MRPL15: variants seen among roughly 807,000 people sequenced by gnomAD.
MRPL15 encodes the protein large ribosomal subunit protein uL15m.
MRPL15 carries 24 observed loss-of-function variants against 28.0 expected under a neutral mutation model. That is an observed-to-expected ratio of 0.86 (90% CI 0.62 to 1.21). MRPL15 has a LOEUF of 1.21. Ranked by LOEUF, MRPL15 falls within the 50% of genes most tolerant of loss-of-function variation. The pLI is 0.00. For missense variants in MRPL15, 343 were observed against 372.4 expected, an observed-to-expected ratio of 0.92 and a Z score of 0.65; for synonymous variants, 124 against 137.0, an observed-to-expected ratio of 0.90 and a Z score of 0.66.
At chr8:54,140,100 G>A (rs1307099016) in intron 3 of MRPL15, among the ~76,000 whole-genome samples, 1 of 152,126 alleles carries the variant, frequency 6.6e-6, no homozygotes, top group East Asian at 1.9e-4. Flanking sequence ...CTTTCTTTCA[G>A]CTTCATGAAA....
chr8:54,145,316 G>C (rs1811024091), intron 4 of MRPL15, among the ~76,000 whole-genome samples: 1 of 152,092 alleles, frequency 6.6e-6, no homozygotes, highest in Non-Finnish European at 1.5e-5. Context: ...CTGGGCTCAA[G>C]TGATCCTCCC....
chr8:54,147,715 C>A lies in MRPL15; in HGVS notation c.887C>A (p.Ser296Ter), dbSNP rs201769943. Residue 296 changes from serine (S) to a stop codon, truncating the protein, a stop_gained, in exon 5 of 5, where the codon TCA becomes TAA. Coordinates refer to ENST00000260102, the MANE Select transcript of MRPL15 (RefSeq NM_014175.4). LOFTEE classifies it high-confidence loss of function. ...GAAAATCTCCTTAAGTATTATACCTCATGAATTCCCGTCCAAGGAAGCAGA... is the reference window on the plus strand; with the variant it reads ...GAAAATCTCCTTAAGTATTATACCTAATGAATTCCCGTCCAAGGAAGCAGA... ...TDENLLKYYT[S>*] is the part of the protein sequence containing the mutation. 4 of 1,601,134 alleles carry A rather than the reference C, an allele frequency of 2.5e-6. No individual in the cohort carries two copies. The Admixed American group carries it at 5.1e-5, about 21-fold the overall frequency.
Position 54,147,406 on chromosome 8 carries a change from TC to T in MRPL15, c.579del (p.Leu195PhefsTer81). On this transcript the variant is annotated frameshift_variant, in exon 5 of 5. Coordinates refer to ENST00000260102, the MANE Select transcript of MRPL15 (RefSeq NM_014175.4). LOFTEE classifies it high-confidence loss of function. ...GACATTGTATGCAAACCTGTTCCAT[TC>T]TTTCTTCGTGGACAACCCATTCCAA... Reference protein sequence around the residue: ...SLDIVCKPVPFFLRGQPIPKR... With the variant: ...SLDIVCKPVPXFLRGQPIPKR... 2.5e-6 allele frequency: 4 copies of T among 1,612,260 alleles called. No individual in the cohort carries two copies. Among genetic ancestry groups the T allele is most frequent in the Non-Finnish European group, 3.4e-6 (4 of 1,178,936 alleles).
At chr8:54,137,837 C>A (rs989716064) in intron 3 of MRPL15, among the ~76,000 whole-genome samples, 1 of 152,070 alleles carries the variant, frequency 6.6e-6, no homozygotes, top group African/African-American at 2.4e-5. Context: ...GTGTTTATAA[C>A]TGTTATGTAG....
chr8:54,135,296 T>C lies in MRPL15; in HGVS notation c.13T>C (p.Leu5=). The change falls in exon 1 of 5, where the codon TTG becomes CTG. Residue 5 remains leucine (L), a synonymous_variant. Transcript: ENST00000260102. ...GGATCTGCGGGTTATGGCCGGTCCC[T>C]TGCAGGGCGGTGGGGCCCGGGCCCT... MAGP[L]QGGGARALDL... is the part of the protein sequence containing the mutation. The C allele has an allele frequency of 7.2e-7, 1 of 1,398,108 alleles. No individual in the cohort carries two copies. The highest frequency in any genetic ancestry group is 1.5e-5 in the African/African-American group (1 of 66,408). 86.6% of individuals were successfully genotyped at this position (1,398,108 alleles called of 1,614,324 possible).
rs1563714913 is a variant in MRPL15, at chr8:54,136,570, A to G, written c.168A>G (p.Glu56=). Residue 56 remains glutamate, a synonymous_variant, in exon 2 of 5, where the codon GAA becomes GAG. Transcript: ENST00000260102. ...GRKCGRGHKG[E]RQRGTRPRLG... ...AATGTGGCAGAGGCCATAAAGGAGA[A>G]AGGCAAAGAGGAACCCGGCCCCGCT... The G allele has an allele frequency of 3.7e-6, 6 of 1,614,226 alleles. No homozygotes were observed. In the East Asian group the frequency reaches 1.3e-4, roughly 36 times the overall value.
chr8:54,140,145 C>CT (rs1810894065), intron 3 of MRPL15, among the ~76,000 whole-genome samples: 1 of 152,186 alleles, frequency 6.6e-6, no homozygotes, highest in African/African-American at 2.4e-5. Context: ...ATGCTGCCAT[C>CT]TTTTTGCTTT....
chr8:54,136,763 A>G (rs1284506437), intron 2 of MRPL15, 98 bp downstream of exon 2: 19 of 1,422,530 alleles, frequency 1.3e-5, no homozygotes, highest in Non-Finnish European at 1.4e-5. Flanking sequence ...TTGTAAATTC[A>G]CTTTGAAGCA....
At position 54,137,318 on chromosome 8, in the gene MRPL15, T is replaced by C. The variant is rs1412143752; in HGVS notation, c.314T>C (p.Ile105Thr). 4 of 1,613,984 alleles carry C rather than the reference T, an allele frequency of 2.5e-6. No individual in the cohort carries two copies. Among genetic ancestry groups the C allele is most frequent in the Non-Finnish European group, 3.4e-6 (4 of 1,180,014 alleles). ...AGTCTCAATAGACTGCAGTATCTTA[T>C]TGATTTGGGTCGTGTTGATCCTAGT... ...PLSLNRLQYL[I>T]DLGRVDPSQP... Residue 105 changes from isoleucine (I) to threonine (T), a missense_variant, in exon 3 of 5, where the codon ATT becomes ACT. Ile to Thr is a moderately conservative substitution (Grantham distance 89). Coordinates refer to ENST00000260102, the MANE Select transcript of MRPL15 (RefSeq NM_014175.4).
intron 3 of MRPL15, among the ~76,000 whole-genome samples, chr8:54,138,410 C>T (rs1319845399): frequency 6.9e-6 from 1 of 144,592 alleles, no homozygotes; most frequent in Admixed American, 7.0e-5. Flanking sequence ...CTCTGCTGCC[C>T]AGGTTCAAGC....
chr8:54,145,516 T>A (rs1811028758), intron 4 of MRPL15, among the ~76,000 whole-genome samples: 1 of 152,028 alleles, frequency 6.6e-6, no homozygotes, highest in Admixed American at 6.6e-5. Context: ...TGAGATGGTC[T>A]TGCTCTCTCA....
intron 3 of MRPL15, among the ~76,000 whole-genome samples, chr8:54,139,660 C>G (rs1402247930): frequency 6.6e-6 from 1 of 152,152 alleles, no homozygotes; most frequent in Non-Finnish European, 1.5e-5. Flanking sequence ...CAAGTAATTG[C>G]AATGACACAT....
rs1810875543 is a variant in MRPL15 at position 54,139,042 on chromosome 8, C to A, written c.429+1609C>A. On this transcript the variant is annotated intron_variant, in intron 3 of 4. Transcript: ENST00000260102. ...GGAGATGGAGTCTCACTCTGTCACCCAGGCTGGAGTGCAGTGGCACGATCT... is the reference window on the plus strand; with the variant it reads ...GGAGATGGAGTCTCACTCTGTCACCAAGGCTGGAGTGCAGTGGCACGATCT... Among the ~76,000 whole-genome samples the A allele has an allele frequency of 1.3e-5, 2 of 152,052 alleles. 1 individual carries two copies. The highest frequency in any genetic ancestry group is 2.9e-5 in the Non-Finnish European group (2 of 68,024).
chr8:54,140,236 G>A (rs1361222191), intron 3 of MRPL15, among the ~76,000 whole-genome samples: 1 of 152,048 alleles, frequency 6.6e-6, no homozygotes, highest in East Asian at 1.9e-4. Flanking sequence ...AGAGTTCAGA[G>A]CTACATTTTC....
intron 4 of MRPL15, among the ~76,000 whole-genome samples, chr8:54,144,836 T>C (rs1414532341): frequency 6.6e-6 from 1 of 152,178 alleles, no homozygotes; most frequent in African/African-American, 2.4e-5. Flanking sequence ...TAGTTTATTA[T>C]AGATGAGCAT....
In MRPL15 at chr8:54,147,892, C is replaced by T. The variant is rs1313911319; in HGVS notation, c.*173C>T. ...ATTAAATGGCAGGAAACAAGGACTG[C>T]ATAGAGAAACTGAGTCTGTGTGGGT... is the stretch of plus-strand genomic sequence containing the variant. On this transcript the variant is annotated 3_prime_UTR_variant, in exon 5 of 5. Coordinates refer to ENST00000260102, the MANE Select transcript of MRPL15 (RefSeq NM_014175.4). 3.4e-6 allele frequency: 2 copies of T among 588,664 alleles called. No homozygotes were observed. Among genetic ancestry groups the T allele is most frequent in the East Asian group, 5.6e-5 (2 of 35,574 alleles). 36.5% of individuals were successfully genotyped at this position (588,664 alleles called of 1,614,324 possible).
At chr8:54,143,526 T>C (rs1030750128) in intron 4 of MRPL15, among the ~76,000 whole-genome samples, 1 of 152,222 alleles carries the variant, frequency 6.6e-6, no homozygotes, top group African/African-American at 2.4e-5. Flanking sequence ...TGTGTCCACA[T>C]TTGACCACTT....
Position 54,148,354 on chromosome 8 carries a change from A to C in MRPL15, c.*635A>C, listed in dbSNP as rs1410153736. On this transcript the variant is annotated 3_prime_UTR_variant, in exon 5 of 5. Transcript: ENST00000260102. ...GCAGGCCTTTGTTCTTAGAGCTCCC[A>C]AGATGGTGGTGGCCACTCCCAAGAT... Among the ~76,000 whole-genome samples, 1 of 152,230 alleles carries C rather than the reference A, an allele frequency of 6.6e-6. No individual in the cohort carries two copies. Among genetic ancestry groups the C allele is most frequent in the Non-Finnish European group, 1.5e-5 (1 of 68,038 alleles).
At chr8:54,138,301 CTTTT>C (rs71254537) in intron 3 of MRPL15, among the ~76,000 whole-genome samples, 1,828 of 56,960 alleles carry the variant, frequency 0.032, 17 homozygotes, top group Non-Finnish European at 0.043. Context: ...TCAGGAAGAT[CTTTT>C]TTTTTTTTTT....
Sources: allele counts gnomAD v4.1 joint callset (sites outside exome capture counted in the v4.1 genomes callset), GRCh38; gene constraint gnomAD v4.1.1; transcripts MANE v1.5; gene names NCBI Gene and HGNC (gene_info 2026-07-23, HGNC 2026-07-21).